The following ABLIM2 variants were observed in gnomAD, a reference collection of about 807,000 sequenced individuals.
The protein encoded by ABLIM2 is actin binding LIM protein family member 2.
ABLIM2 carries 53 observed loss-of-function variants against 97.7 expected under a neutral mutation model. The observed-to-expected ratio is 0.54, with a 90% CI of 0.44 to 0.68. ABLIM2 has a LOEUF of 0.68. Ranked by LOEUF, ABLIM2 falls within the 30% of genes least tolerant of loss-of-function variation. ABLIM2 has a pLI of 0.00. For synonymous variants in ABLIM2, 361 were observed against 345.8 expected, an observed-to-expected ratio of 1.04 and a Z score of -0.49; for missense variants, 835 against 867.2, an observed-to-expected ratio of 0.96 and a Z score of 0.47.
chr4:7,991,380 T>C (rs950702318), intron 17 of ABLIM2, among the ~76,000 whole-genome samples: 7 of 143,262 alleles, frequency 4.9e-5, no homozygotes. Flanking sequence ...CTCACTCGGA[T>C]GGTGGAACAC....
At chr4:8,089,717 G>C (rs1826028322) in intron 3 of ABLIM2, among the ~76,000 whole-genome samples, 1 of 111,018 alleles carries the variant, frequency 9.0e-6, no homozygotes, top group Admixed American at 1.2e-4. Context: ...CTGGGCCAAA[G>C]AGTGAGATTC....
Position 8,083,789 on chromosome 4 carries a change from G to A in ABLIM2, c.455-2987C>T, listed in dbSNP as rs942807354. On this transcript the variant is annotated intron_variant, in intron 4 of 20. Transcript: ENST00000447017. This position sits in a 1 kb window ranked among gnomAD's most constrained non-coding sequence, Gnocchi z 4.6. ...CCCCAGGACCCCCCAATGTCAGCTG[G>A]CCACGTGCCCGTACATCCTGGTTGG... Among the ~76,000 whole-genome samples the A allele has an allele frequency of 5.9e-5, 9 of 152,316 alleles. No individual in the cohort carries two copies. Among genetic ancestry groups the A allele is most frequent in the African/African-American group, 1.9e-4 (8 of 41,566 alleles).
intron 3 of ABLIM2, among the ~76,000 whole-genome samples, chr4:8,096,826 C>A (rs991712061): frequency 2.6e-5 from 4 of 152,162 alleles, no homozygotes; most frequent in Non-Finnish European, 4.4e-5. Flanking sequence ...AGGACCCAGT[C>A]TCCGCAGCCA....
At chr4:8,077,811 C>G in intron 5 of ABLIM2, 90 bp from the exon 6 acceptor site, 1 of 1,160,906 alleles carries the variant, frequency 8.6e-7, no homozygotes, top group Non-Finnish European at 1.2e-6. Context: ...AGTCTGCCCT[C>G]AAAGTGGGGG....
intron 1 of ABLIM2, among the ~76,000 whole-genome samples, chr4:8,157,600 G>A (rs569111400): frequency 6.6e-6 from 1 of 152,304 alleles, no homozygotes; most frequent in South Asian, 2.1e-4. Context: ...CCCCTTCTAG[G>A]CCTACAGCCC....
At chr4:8,037,922 T>A (rs984974925) in intron 9 of ABLIM2, among the ~76,000 whole-genome samples, 15 of 152,256 alleles carry the variant, frequency 9.9e-5, no homozygotes, top group African/African-American at 3.4e-4. Flanking sequence ...GCTCTGATTC[T>A]GCCCAGCCTT....
chr4:8,099,029 G>C (rs1352412750), intron 2 of ABLIM2, among the ~76,000 whole-genome samples: 3 of 152,248 alleles, frequency 2.0e-5, no homozygotes, highest in African/African-American at 7.2e-5. Context: ...ATGAGAAACA[G>C]CCAAGGACTC....
chr4:8,134,952 C>T (rs558860213), intron 1 of ABLIM2, among the ~76,000 whole-genome samples: 1 of 152,244 alleles, frequency 6.6e-6, no homozygotes, highest in South Asian at 2.1e-4. Context: ...TCTGAAAGTA[C>T]TTGGGAGCCA....
chr4:8,056,111 TC>T (rs1329898628), intron 7 of ABLIM2, among the ~76,000 whole-genome samples: 2 of 11,254 alleles, frequency 1.8e-4, no homozygotes, highest in African/African-American at 1.0e-3. Flanking sequence ...AGACTCTGTC[TC>T]AAAAAAAAAA....
At position 7,973,080 on chromosome 4, in the gene ABLIM2, T is replaced by TGTGA. The variant is rs1465145611; in HGVS notation, c.1825-5978_1825-5977insTCAC. The stretch of plus-strand genomic sequence containing the variant: ...GCAATGAGCTGCTCCCCTTGCTGTG[T>TGTGA]GTGTGTGTGTGTGTGTGTGTGTGTG... On this transcript the variant is annotated intron_variant, in intron 20 of 20. Transcript: ENST00000447017. Among the ~76,000 whole-genome samples, 385 of 148,158 alleles carry TGTGA rather than the reference T, an allele frequency of 2.6e-3. 4 individuals are homozygous for TGTGA. Among genetic ancestry groups the TGTGA allele is most frequent in the African/African-American group, 9.2e-3 (370 of 40,288 alleles).
intron 3 of ABLIM2, among the ~76,000 whole-genome samples, chr4:8,092,511 G>T (rs1017503059): frequency 1.3e-5 from 2 of 152,176 alleles, no homozygotes; most frequent in Non-Finnish European, 2.9e-5. Flanking sequence ...TTTACAGAGG[G>T]TTAGTCTTAA....
intron 7 of ABLIM2, among the ~76,000 whole-genome samples, chr4:8,060,747 G>T (rs36100888): frequency 0.37 from 55,528 of 152,022 alleles, 11,624 homozygotes; most frequent in East Asian, 0.85. Context: ...TTTCTTGCTG[G>T]TCTCGGGCTC....
At chr4:7,968,880 C>T (rs928784690) in intron 20 of ABLIM2, among the ~76,000 whole-genome samples, 9 of 152,200 alleles carry the variant, frequency 5.9e-5, no homozygotes, top group African/African-American at 1.9e-4. Flanking sequence ...GCAGCTCACG[C>T]CTGTAATCCC....
intron 7 of ABLIM2, among the ~76,000 whole-genome samples, chr4:8,057,551 T>C (rs1292886247): frequency 1.3e-5 from 2 of 152,240 alleles, no homozygotes; most frequent in South Asian, 2.1e-4. Context: ...TTTTCGCCCC[T>C]ACTAGCTGCA....
chr4:8,059,514 G>T (rs988141298), intron 7 of ABLIM2, among the ~76,000 whole-genome samples: 1 of 151,880 alleles, frequency 6.6e-6, no homozygotes, highest in Non-Finnish European at 1.5e-5. Context: ...GGTGCCCCCT[G>T]TCCCCCGGCC....
rs568534102 is a variant in ABLIM2, at chr4:8,052,569, C to A, written c.822+1619G>T. On this transcript the variant is annotated intron_variant, in intron 8 of 20. Coordinates refer to ENST00000447017, the MANE Select transcript of ABLIM2 (RefSeq NM_001130083.2). ...GCAGACTTCCCCTGGGACCCCCTCC[C>A]CTGCCAAAAGCAGAGCTGCTAGGAG... is the stretch of plus-strand genomic sequence containing the variant. Among the ~76,000 whole-genome samples, 25 of 152,356 alleles carry A rather than the reference C, an allele frequency of 1.6e-4. No homozygotes were observed. The South Asian group carries it at 4.3e-3, about 26-fold the overall frequency.
chr4:8,150,765 C>T lies in ABLIM2; in HGVS notation c.10+7915G>A, dbSNP rs779003925. Among the ~76,000 whole-genome samples, 13 of 152,266 alleles carry T rather than the reference C, an allele frequency of 8.5e-5. No homozygotes were observed. The highest frequency in any genetic ancestry group is 7.7e-4 in the East Asian group (4 of 5,178). On this transcript the variant is annotated intron_variant, in intron 1 of 20. Transcript: ENST00000447017. This position sits in a 1 kb window ranked among gnomAD's most constrained non-coding sequence, Gnocchi z 6.3. ...CGGGAGCTGGGTGGCTCTCTGGAGA[C>T]GGTGCTTCTCCTGGCACTGGGCTGC...
intron 1 of ABLIM2, among the ~76,000 whole-genome samples, chr4:8,152,211 C>G (rs866742197): frequency 1.3e-5 from 2 of 152,240 alleles, no homozygotes; most frequent in Non-Finnish European, 2.9e-5. Flanking sequence ...CCCCCACAGC[C>G]ACCGGCTAAA....
intron 1 of ABLIM2, among the ~76,000 whole-genome samples, chr4:8,153,424 C>G (rs906839206): frequency 6.6e-6 from 1 of 152,168 alleles, no homozygotes; most frequent in Non-Finnish European, 1.5e-5. Flanking sequence ...CACGGAAGAA[C>G]AGGGCAGAGC....
Sources: allele counts gnomAD v4.1 joint callset (sites outside exome capture counted in the v4.1 genomes callset), GRCh38; gene constraint gnomAD v4.1.1; non-coding constraint Gnocchi (gnomAD v3.1); transcripts MANE v1.5; gene names NCBI Gene and HGNC (gene_info 2026-07-23, HGNC 2026-07-21).